PRKDC: variants seen among roughly 807,000 people sequenced by gnomAD.
The protein encoded by PRKDC is DNA-dependent protein kinase catalytic subunit.
A neutral mutation model predicts 486.9 loss-of-function variants in PRKDC; 82 were observed. The observed-to-expected ratio is 0.17, with a 90% CI of 0.14 to 0.20. The LOEUF (loss-of-function observed/expected upper bound fraction) is 0.20. PRKDC is among the 10% of genes least tolerant of loss of function. The pLI is 1.00. For missense variants in PRKDC, 4,504 were observed against 5,038.2 expected, an observed-to-expected ratio of 0.89 and a Z score of 3.21; for synonymous variants, 1,895 against 1,837.0, an observed-to-expected ratio of 1.03 and a Z score of -0.81.
intron 7 of PRKDC, among the ~76,000 whole-genome samples, chr8:47,950,432 T>C (rs551238863): frequency 6.6e-6 from 1 of 151,886 alleles, no homozygotes; most frequent in Non-Finnish European, 1.5e-5. Context: ...GAGACCATCC[T>C]GGCTAACACG....
At position 47,912,555 on chromosome 8, in the gene PRKDC, G is replaced by A; in HGVS notation, c.2789C>T (p.Ala930Val). The change falls in exon 25 of 86, where the codon GCC becomes GTC. Residue 930 changes from alanine to valine, a missense_variant. This residue lies in a region of PRKDC where 1,969 missense variants were observed against 2,068.9 expected (regional missense o/e 0.95). Coordinates refer to ENST00000314191, the MANE Select transcript of PRKDC (RefSeq NM_006904.7). ...TASDRQTKVA[A>V]CELLHSMVMF... ...AACCATGCTATGTAAAAGTTCACAG[G>A]CTGCAACCTAAAACAGACCAGGAGG... The A allele has an allele frequency of 6.2e-7, 1 of 1,609,344 alleles. No individual in the cohort carries two copies. The highest frequency in any genetic ancestry group is 8.5e-7 in the Non-Finnish European group (1 of 1,177,312).
chr8:47,924,731 A>G (rs1252199926), intron 21 of PRKDC, among the ~76,000 whole-genome samples: 2 of 152,102 alleles, frequency 1.3e-5, no homozygotes, highest in Non-Finnish European at 2.9e-5. Flanking sequence ...CTATTTTCAC[A>G]TTTATTTAGA....
intron 4 of PRKDC, among the ~76,000 whole-genome samples, chr8:47,955,603 T>C (rs995684484): frequency 2.6e-5 from 4 of 151,922 alleles, no homozygotes; most frequent in African/African-American, 9.7e-5. Flanking sequence ...GTAAGGGTGA[T>C]AAATGAAAGA....
intron 52 of PRKDC, among the ~76,000 whole-genome samples, chr8:47,850,364 C>T (rs1203589991): frequency 1.3e-5 from 2 of 152,168 alleles, no homozygotes; most frequent in South Asian, 2.1e-4. Context: ...CGTTTTGAGC[C>T]TCAGCATGAC....
In PRKDC at chr8:47,841,839, G is replaced by A. The variant is rs78051587; in HGVS notation, c.7281-1650C>T. 3.1e-3 allele frequency among the ~76,000 whole-genome samples: 477 copies of A among 152,280 alleles called. 2 individuals carry two copies. The highest frequency in any genetic ancestry group is 0.011 in the African/African-American group (460 of 41,562). Reference sequence around the variant, plus strand: ...GCGCAGAAAGCATGGCATAAAACTGGCTGGTCAGGCTAGCTACAAGGGCAG... The same window carrying A: ...GCGCAGAAAGCATGGCATAAAACTGACTGGTCAGGCTAGCTACAAGGGCAG... On this transcript the variant is annotated intron_variant, in intron 54 of 85. Coordinates refer to ENST00000314191, the MANE Select transcript of PRKDC (RefSeq NM_006904.7).
At chr8:47,873,756 A>T (rs1182243749) in intron 40 of PRKDC, among the ~76,000 whole-genome samples, 1 of 152,242 alleles carries the variant, frequency 6.6e-6, no homozygotes, top group African/African-American at 2.4e-5. Context: ...AGTAAGGCAC[A>T]GAAAGACAAT....
chr8:47,785,357 G>A, intron 76 of PRKDC, 40 bp from the exon 77 acceptor site: 1 of 1,472,364 alleles, frequency 6.8e-7, no homozygotes, highest in Non-Finnish European at 9.3e-7. Flanking sequence ...CTGATGTTTA[G>A]TTTGGACTTT....
At chr8:47,780,596 A>G (rs1232558040) in intron 80 of PRKDC, among the ~76,000 whole-genome samples, 1 of 152,222 alleles carries the variant, frequency 6.6e-6, no homozygotes, top group Non-Finnish European at 1.5e-5. Context: ...AGTCCACTCC[A>G]TCTTAAAATT....
chr8:47,912,761 C>T (rs1182638807), intron 24 of PRKDC, among the ~76,000 whole-genome samples, 199 bp from the exon 25 acceptor site: 1 of 151,856 alleles, frequency 6.6e-6, no homozygotes, highest in African/African-American at 2.4e-5. Flanking sequence ...TTTTTTTATC[C>T]AAGAACAAAG....
chr8:47,958,646 C>T (rs1270621470), intron 1 of PRKDC, among the ~76,000 whole-genome samples: 2 of 151,994 alleles, frequency 1.3e-5, no homozygotes, highest in East Asian at 1.9e-4. Flanking sequence ...AAAGTAATCA[C>T]GCAATGTTAG....
chr8:47,910,989 AGAGTTT>A (rs1262105664), intron 25 of PRKDC, among the ~76,000 whole-genome samples: 1 of 152,216 alleles, frequency 6.6e-6, no homozygotes, highest in Non-Finnish European at 1.5e-5. Context: ...ATTAATTCTT[AGAGTTT>A]ATCAGCTGAT....
chr8:47,803,957 G>GGT (rs1168823262), intron 69 of PRKDC, among the ~76,000 whole-genome samples: 1 of 151,874 alleles, frequency 6.6e-6, no homozygotes, highest in Non-Finnish European at 1.5e-5. Flanking sequence ...AATTCCAGGG[G>GGT]GTGTGGCAGG....
intron 40 of PRKDC, among the ~76,000 whole-genome samples, chr8:47,865,248 T>C (rs2088781287): frequency 6.6e-6 from 1 of 152,008 alleles, no homozygotes; most frequent in Non-Finnish European, 1.5e-5. Context: ...TAGCTGGGCG[T>C]GGTGGTGTGC....
intron 68 of PRKDC, among the ~76,000 whole-genome samples, chr8:47,812,278 T>C (rs2087346026): frequency 1.3e-5 from 2 of 152,188 alleles, no homozygotes; most frequent in Admixed American, 6.5e-5. Flanking sequence ...CCTGACTACC[T>C]TGATCTCATT....
chr8:47,897,177 G>T lies in PRKDC; in HGVS notation c.3582C>A (p.Phe1194Leu), dbSNP rs759130959. Residue 1194 changes from phenylalanine to leucine, a missense_variant, in exon 30 of 86, where the codon TTC (phenylalanine) becomes TTA (leucine). Physicochemically the swap from Phe to Leu is conservative, Grantham distance 22 (BLOSUM62 0). Around this residue, in one of 6 missense-constraint regions of PRKDC, gnomAD observed 1,969 missense variants for 2,068.9 expected, o/e 0.95. Coordinates refer to ENST00000314191, the MANE Select transcript of PRKDC (RefSeq NM_006904.7). ...RHKSIELFYK[F>L]VPLLPGNRSP... is the part of the protein sequence containing the mutation. The stretch of plus-strand genomic sequence containing the variant: ...TTACCATACCTGGCAATAAAGGAAC[G>T]AATTTATAAAAGAGTTCAATGGATT... 2 of 1,598,076 alleles carry T rather than the reference G, an allele frequency of 1.3e-6. No homozygotes were observed. Among genetic ancestry groups the T allele is most frequent in the Admixed American group, 1.7e-5 (1 of 59,764 alleles).
chr8:47,903,211 T>G (rs2089718615), intron 26 of PRKDC, among the ~76,000 whole-genome samples: 1 of 152,178 alleles, frequency 6.6e-6, no homozygotes, highest in Admixed American at 6.5e-5. Flanking sequence ...TAAGACCCTT[T>G]GAAGTTCCAA....
chr8:47,795,410 C>T (rs990502218), intron 73 of PRKDC, among the ~76,000 whole-genome samples: 13 of 151,552 alleles, frequency 8.6e-5, no homozygotes, highest in African/African-American at 2.9e-4. Flanking sequence ...AGGATGGTCT[C>T]AATCTCGTGA....
rs1589691959 is a variant in PRKDC at position 47,782,636 on chromosome 8, G to T, written c.11176-38C>A. 1 of 1,541,278 alleles carries T rather than the reference G, an allele frequency of 6.5e-7. No individual in the cohort carries two copies. ...GAATGTCATCTCAGGGCACAGGCTA[G>T]CCACGTGTCAAACTCAGAGGGAAAA... On this transcript the variant is annotated intron_variant, in intron 78 of 85. Coordinates refer to ENST00000314191, the MANE Select transcript of PRKDC (RefSeq NM_006904.7). The surrounding 1 kb of genome is among the most constrained non-coding windows in gnomAD (Gnocchi z 4.9).
chr8:47,795,259 G>C (rs1363186987), intron 73 of PRKDC, among the ~76,000 whole-genome samples: 1 of 142,434 alleles, frequency 7.0e-6, no homozygotes, highest in Non-Finnish European at 1.5e-5. Context: ...GTGTGATCTC[G>C]GCTCACTGCA....
Sources: allele counts gnomAD v4.1 joint callset (sites outside exome capture counted in the v4.1 genomes callset), GRCh38; gene constraint gnomAD v4.1.1; regional missense constraint gnomAD v4.1.1; non-coding constraint Gnocchi (gnomAD v3.1); transcripts MANE v1.5; gene names NCBI Gene and HGNC (gene_info 2026-07-23, HGNC 2026-07-21).